MCPH1: variants seen among roughly 807,000 people sequenced by gnomAD.
MCPH1 encodes the protein microcephalin 1, also known as microcephalin.
In MCPH1, 104 loss-of-function variants were observed where a neutral mutation model predicts 84.5. The ratio of observed to expected loss-of-function variants is 1.23; its 90% CI spans 1.05 to 1.45. MCPH1 has a LOEUF of 1.45. Among genes scored for constraint, MCPH1 ranks in the 40% most tolerant of loss-of-function variants. The pLI, the probability that MCPH1 is intolerant of heterozygous loss-of-function variation, is 0.00. For synonymous variants in MCPH1, 514 were observed against 366.8 expected (o/e 1.40, Z -4.58); for missense variants, 1,498 against 1,005.7 (o/e 1.49, Z -6.62).
At chr8:6,427,633 G>C (rs567520372) in intron 3 of MCPH1, among the ~76,000 whole-genome samples, 1 of 151,892 alleles carries the variant, frequency 6.6e-6, no homozygotes, top group South Asian at 2.1e-4. Flanking sequence ...TCCTACCTCC[G>C]CCTCCCAAAA....
intron 12 of MCPH1, among the ~76,000 whole-genome samples, chr8:6,523,938 A>T (rs1387555255): frequency 1.3e-5 from 2 of 151,366 alleles, no homozygotes. Flanking sequence ...GGATAGCCTG[A>T]CACTACATTA....
At chr8:6,600,174 C>G (rs1208830914) in intron 12 of MCPH1, among the ~76,000 whole-genome samples, 1 of 152,234 alleles carries the variant, frequency 6.6e-6, no homozygotes, top group Non-Finnish European at 1.5e-5. Context: ...TAGGCCAGGA[C>G]ATTGCTGTCA....
intron 11 of MCPH1, among the ~76,000 whole-genome samples, chr8:6,491,254 G>T (rs1318022930): frequency 2.6e-5 from 4 of 151,314 alleles, no homozygotes; most frequent in African/African-American, 9.7e-5. Context: ...GTATTTCTGA[G>T]AAGTCAGAGT....
rs942390004 is a variant in MCPH1, at chr8:6,645,808, A to G, written c.*2759A>G. ...ATCTAAAAATAAACAAAATAGGAAT[A>G]GACTTGGCAACAGTTGTAACATCTG... On this transcript the variant is annotated 3_prime_UTR_variant, in exon 14 of 14. Coordinates refer to ENST00000344683, the MANE Select transcript of MCPH1 (RefSeq NM_024596.5). 6.6e-6 allele frequency: 1 copy of G among 152,212 alleles called. No homozygotes were observed. The highest frequency in any genetic ancestry group is 2.4e-5 in the African/African-American group (1 of 41,458). The allele number at this position is 152,212 out of a possible 1,614,324, so 9.4% of individuals were successfully genotyped here.
At chr8:6,422,481 C>G (rs570043914) in intron 3 of MCPH1, among the ~76,000 whole-genome samples, 2 of 152,186 alleles carry the variant, frequency 1.3e-5, no homozygotes, top group Non-Finnish European at 2.9e-5. Flanking sequence ...AATAGGGCCT[C>G]TCAGCTAACC....
chr8:6,463,128 T>G (rs1276754581), intron 9 of MCPH1, among the ~76,000 whole-genome samples: 1 of 152,220 alleles, frequency 6.6e-6, no homozygotes, highest in Non-Finnish European at 1.5e-5. Context: ...CCTTCAGTGA[T>G]TCTGAGCTGA....
chr8:6,452,629 G>T (rs966948891), intron 8 of MCPH1, among the ~76,000 whole-genome samples: 2 of 152,238 alleles, frequency 1.3e-5, no homozygotes, highest in African/African-American at 4.8e-5. Context: ...AGGTTTAGAT[G>T]AGGTCTTGAA....
In MCPH1 at chr8:6,439,588, G is replaced by A. The variant is rs530140176; in HGVS notation, c.580+492G>A. Among the ~76,000 whole-genome samples the A allele has an allele frequency of 2.4e-4, 37 of 151,160 alleles. No individual in the cohort carries two copies. In the East Asian group the frequency reaches 2.9e-3, roughly 12 times the overall value. On this transcript the variant is annotated intron_variant, in intron 6 of 13. Transcript: ENST00000344683. ...TTTTTTGTATTTTTAGTAGAGACGG[G>A]GTTTCACCATGTTGGCCATGCTGGT...
intron 12 of MCPH1, among the ~76,000 whole-genome samples, chr8:6,553,729 C>T (rs922880977): frequency 6.6e-6 from 1 of 151,648 alleles, no homozygotes; most frequent in Non-Finnish European, 1.5e-5. Context: ...GCCTACGAGG[C>T]CCCTCAGGCA....
intron 13 of MCPH1, chr8:6,635,247 C>G (rs1586887995): frequency 6.6e-6 from 1 of 150,728 alleles, no homozygotes; most frequent in African/African-American, 2.4e-5. Context: ...CAGAATGGTT[C>G]TGAATCAAGG....
intron 11 of MCPH1, among the ~76,000 whole-genome samples, chr8:6,491,853 C>T (rs1279159569): frequency 1.3e-5 from 2 of 152,180 alleles, no homozygotes; most frequent in African/African-American, 2.4e-5. Context: ...ATATGTGCCA[C>T]ATTTTCTTAA....
At chr8:6,424,696 C>G (rs1381490680) in intron 3 of MCPH1, among the ~76,000 whole-genome samples, 2 of 152,214 alleles carry the variant, frequency 1.3e-5, no homozygotes, top group Non-Finnish European at 2.9e-5. Context: ...TAGGACTGGG[C>G]AAATTACTCA....
chr8:6,472,437 T>G (rs1249294200), intron 9 of MCPH1, among the ~76,000 whole-genome samples: 3 of 152,190 alleles, frequency 2.0e-5, no homozygotes. Flanking sequence ...ATTTTCCAGG[T>G]ATGTCTGGGG....
chr8:6,490,190 C>G (rs989591169), intron 11 of MCPH1, among the ~76,000 whole-genome samples: 1 of 152,202 alleles, frequency 6.6e-6, no homozygotes, highest in African/African-American at 2.4e-5. Flanking sequence ...TTGCAGTGTT[C>G]TGCCAGACAT....
At chr8:6,547,695 C>T (rs1025091939) in intron 12 of MCPH1, among the ~76,000 whole-genome samples, 2 of 152,036 alleles carry the variant, frequency 1.3e-5, no homozygotes, top group African/African-American at 4.8e-5. Context: ...CACCATTTCT[C>T]AGAGCTGCAG....
intron 12 of MCPH1, among the ~76,000 whole-genome samples, chr8:6,575,166 G>A (rs1826967668): frequency 6.6e-6 from 1 of 152,192 alleles, no homozygotes; most frequent in South Asian, 2.1e-4. Context: ...GCTCAAGAGA[G>A]CCACCTGGGT....
chr8:6,500,716 G>A (rs1811995301), intron 12 of MCPH1: 1 of 152,108 alleles, frequency 6.6e-6, no homozygotes, highest in Non-Finnish European at 1.5e-5. Context: ...ATTTTCTTAA[G>A]GAGAGACAAA....
At chr8:6,560,322 GTAATGATAACCCTTTAACTGTGTGGCTT>G (rs1825331825) in intron 12 of MCPH1, among the ~76,000 whole-genome samples, 1 of 152,196 alleles carries the variant, frequency 6.6e-6, no homozygotes, top group African/African-American at 2.4e-5. Flanking sequence ...GTGTTAGGTT[GTAATGATAACCCTTTAACTGTGTGGCTT>G]ATCTCTCATT....
At chr8:6,515,720 G>T (rs935200704) in intron 12 of MCPH1, among the ~76,000 whole-genome samples, 1 of 152,178 alleles carries the variant, frequency 6.6e-6, no homozygotes, top group Non-Finnish European at 1.5e-5. Flanking sequence ...CACATACAAG[G>T]TAGGAAATAT....
Sources: gnomAD v4.1 joint callset for allele counts (sites outside exome capture counted in the v4.1 genomes callset) on GRCh38, gnomAD v4.1.1 for gene constraint, MANE v1.5 for transcripts, NCBI Gene and HGNC (gene_info 2026-07-23, HGNC 2026-07-21) for gene names.